Variants in ST6GALNAC3 observed in about 807,000 individuals in gnomAD.
The protein encoded by ST6GALNAC3 is alpha-N-acetylgalactosaminide alpha-2,6-sialyltransferase 3.
In ST6GALNAC3, 25 loss-of-function variants were observed where a neutral mutation model predicts 32.7. The observed-to-expected ratio is 0.76, with a 90% CI of 0.56 to 1.07. The LOEUF (loss-of-function observed/expected upper bound fraction) is 1.07. Among genes scored for constraint, ST6GALNAC3 ranks in the 50% least tolerant of loss-of-function variants. ST6GALNAC3 has a pLI of 0.00. For missense variants in ST6GALNAC3, 355 were observed against 382.4 expected (o/e 0.93, Z 0.60); for synonymous variants, 129 against 133.1 (o/e 0.97, Z 0.21).
At chr1:76,109,218 C>T (rs1287476391) in intron 1 of ST6GALNAC3, among the ~76,000 whole-genome samples, 1 of 152,112 alleles carries the variant, frequency 6.6e-6, no homozygotes, top group Non-Finnish European at 1.5e-5. Context: ...TGACAGGTTA[C>T]AAAAGAGTAG....
intron 2 of ST6GALNAC3, among the ~76,000 whole-genome samples, chr1:76,344,385 C>G (rs1648317929): frequency 6.6e-6 from 1 of 152,152 alleles, no homozygotes; most frequent in Non-Finnish European, 1.5e-5. Flanking sequence ...GGTCCCCCAC[C>G]CTCCTGACCA....
Position 76,594,765 on chromosome 1 carries a change from T to C in ST6GALNAC3, c.624-32687T>C, listed in dbSNP as rs541379584. Among the ~76,000 whole-genome samples the C allele has an allele frequency of 3.3e-5, 5 of 152,280 alleles. No individual in the cohort carries two copies. In the South Asian group the frequency reaches 1.0e-3, roughly 32 times the overall value. On this transcript the variant is annotated intron_variant, in intron 3 of 4. Coordinates refer to ENST00000328299, the MANE Select transcript of ST6GALNAC3 (RefSeq NM_152996.4). ...TAGCCTGAATGAGTACCTATTGCAA[T>C]GCTGATTCTTGATTTTATTTATGTG...
intron 3 of ST6GALNAC3, among the ~76,000 whole-genome samples, chr1:76,563,622 C>T (rs1665377020): frequency 6.6e-6 from 1 of 152,152 alleles, no homozygotes; most frequent in Non-Finnish European, 1.5e-5. Context: ...AGTTATTTTA[C>T]ATTAAATTAT....
At chr1:76,484,165 A>G (rs1319692379) in intron 3 of ST6GALNAC3, among the ~76,000 whole-genome samples, 1 of 152,168 alleles carries the variant, frequency 6.6e-6, no homozygotes, top group Non-Finnish European at 1.5e-5. Flanking sequence ...TGATGCCTCC[A>G]GCTTTGTTCT....
chr1:76,507,388 C>G (rs1661544546), intron 3 of ST6GALNAC3, among the ~76,000 whole-genome samples: 1 of 152,194 alleles, frequency 6.6e-6, no homozygotes, highest in South Asian at 2.1e-4. Context: ...AATTTTAGGA[C>G]ACTTTCACCA....
At chr1:76,297,741 A>T (rs978150866) in intron 1 of ST6GALNAC3, among the ~76,000 whole-genome samples, 1 of 152,086 alleles carries the variant, frequency 6.6e-6, no homozygotes, top group Non-Finnish European at 1.5e-5. Context: ...TTTCAGAAAC[A>T]TAGTAGATGC....
At chr1:76,507,045 C>T (rs1219627670) in intron 3 of ST6GALNAC3, among the ~76,000 whole-genome samples, 1 of 152,150 alleles carries the variant, frequency 6.6e-6, no homozygotes, top group Non-Finnish European at 1.5e-5. Context: ...TTCATTATTT[C>T]ACAAACAGAC....
chr1:76,611,268 T>C (rs1039457874), intron 3 of ST6GALNAC3, among the ~76,000 whole-genome samples: 1 of 151,908 alleles, frequency 6.6e-6, no homozygotes, highest in African/African-American at 2.4e-5. Context: ...AAAATAATTT[T>C]TTTCTAAATA....
At chr1:76,272,251 A>T (rs1220155725) in intron 1 of ST6GALNAC3, among the ~76,000 whole-genome samples, 1 of 146,682 alleles carries the variant, frequency 6.8e-6, no homozygotes, top group African/African-American at 2.5e-5. Context: ...GCTTGAACCC[A>T]GGTCGAGGTT....
chr1:76,075,420 G>A (rs1646801620), intron 1 of ST6GALNAC3, among the ~76,000 whole-genome samples: 2 of 152,184 alleles, frequency 1.3e-5, no homozygotes, highest in Admixed American at 1.3e-4. Flanking sequence ...AGCTCTGTTT[G>A]CCCTTAGCTC....
intron 1 of ST6GALNAC3, among the ~76,000 whole-genome samples, chr1:76,227,364 T>G (rs528083159): frequency 1.3e-5 from 2 of 152,304 alleles, no homozygotes; most frequent in African/African-American, 2.4e-5. Context: ...GGGTCAATCT[T>G]TCTTGTGGAA....
chr1:76,485,816 AGGGTGTCC>A (rs1660071806), intron 3 of ST6GALNAC3, among the ~76,000 whole-genome samples: 1 of 152,146 alleles, frequency 6.6e-6, no homozygotes, highest in African/African-American at 2.4e-5. Context: ...TTGTGATGTT[AGGGTGTCC>A]ATTTTAGATC....
chr1:76,122,857 C>T (rs373386681), intron 1 of ST6GALNAC3, among the ~76,000 whole-genome samples: 9 of 152,128 alleles, frequency 5.9e-5, no homozygotes, highest in Admixed American at 1.3e-4. Flanking sequence ...AGGATTGAGA[C>T]GAGAGCTACA....
intron 2 of ST6GALNAC3, among the ~76,000 whole-genome samples, chr1:76,393,423 C>T (rs1652714975): frequency 6.6e-6 from 1 of 152,148 alleles, no homozygotes; most frequent in Non-Finnish European, 1.5e-5. Flanking sequence ...ATTTTATTCA[C>T]AATTCATACT....
chr1:76,312,140 C>G (rs1646776999), intron 1 of ST6GALNAC3, among the ~76,000 whole-genome samples: 1 of 146,368 alleles, frequency 6.8e-6, no homozygotes, highest in African/African-American at 2.5e-5. Context: ...CTACAACCAT[C>G]TGACCTTTGA....
chr1:76,387,688 A>T (rs1160781485), intron 2 of ST6GALNAC3, among the ~76,000 whole-genome samples: 1 of 152,210 alleles, frequency 6.6e-6, no homozygotes, highest in Non-Finnish European at 1.5e-5. Flanking sequence ...TAATTAAATT[A>T]TAGCACTAAG....
At chr1:76,522,660 GC>G (rs150697912) in intron 3 of ST6GALNAC3, among the ~76,000 whole-genome samples, 2 of 152,196 alleles carry the variant, frequency 1.3e-5, no homozygotes, top group East Asian at 3.9e-4. Flanking sequence ...TTTATATTAT[GC>G]CAACTAGGTT....
chr1:76,600,353 A>C (rs1428358255), intron 3 of ST6GALNAC3, among the ~76,000 whole-genome samples: 1 of 152,176 alleles, frequency 6.6e-6, no homozygotes, highest in Non-Finnish European at 1.5e-5. Flanking sequence ...ATAGCAACCC[A>C]AATTGACTAA....
intron 3 of ST6GALNAC3, among the ~76,000 whole-genome samples, chr1:76,543,227 G>A (rs1664097084): frequency 6.6e-6 from 1 of 152,160 alleles, no homozygotes; most frequent in Admixed American, 6.6e-5. Flanking sequence ...CGACTGCCTT[G>A]TTTTTAGACA....
Sources: allele counts gnomAD v4.1 joint callset (sites outside exome capture counted in the v4.1 genomes callset), GRCh38; gene constraint gnomAD v4.1.1; transcripts MANE v1.5; gene names NCBI Gene and HGNC (gene_info 2026-07-23, HGNC 2026-07-21).